Variants in MTRR observed in about 807,000 individuals in gnomAD.
MTRR encodes 5-methyltetrahydrofolate-homocysteine methyltransferase reductase, also known as methionine synthase reductase.
MTRR carries 63 observed loss-of-function variants against 79.2 expected under a neutral mutation model. The observed-to-expected ratio is 0.80, with a 90% CI of 0.65 to 0.98. The LOEUF (loss-of-function observed/expected upper bound fraction) is 0.98. Among genes scored for constraint, MTRR ranks in the 50% least tolerant of loss-of-function variants. The pLI is 0.00. For missense variants in MTRR, 895 were observed against 839.6 expected, an observed-to-expected ratio of 1.07 and a Z score of -0.82; for synonymous variants, 355 against 313.3, an observed-to-expected ratio of 1.13 and a Z score of -1.41.
chr5:7,866,011 T>C (rs752576942), upstream of MTRR: 28 of 1,558,944 alleles, frequency 1.8e-5, no homozygotes, highest in East Asian at 6.3e-4. Context: ...CCAGTCATAG[T>C]TACGTCTGAA....
chr5:7,862,808 C>T, intron 2 of MTRR: 1 of 1,600,964 alleles, frequency 6.2e-7, no homozygotes, highest in Non-Finnish European at 8.5e-7. Flanking sequence ...CAACAAAACT[C>T]CTTATACTAC....
chr5:7,863,889 T>C (rs1239478450), intron 2 of MTRR, among the ~76,000 whole-genome samples: 2 of 152,174 alleles, frequency 1.3e-5, no homozygotes, highest in Admixed American at 1.3e-4. Context: ...TCACTCTTGT[T>C]GCCCAGGCTG....
In MTRR at chr5:7,887,834, G is replaced by T. The variant is rs374345190; in HGVS notation, c.1146+1131G>T. On this transcript the variant is annotated intron_variant, in intron 8 of 14. Coordinates refer to ENST00000440940, the MANE Select transcript of MTRR (RefSeq NM_002454.3). ...TATATATATATATATATATATATGG[G>T]TTTTTTCAAAAATAGTATGCTCATT... Among the ~76,000 whole-genome samples, 253 of 113,338 alleles carry T rather than the reference G, an allele frequency of 2.2e-3. 2 individuals are homozygous for T. Among genetic ancestry groups the T allele is most frequent in the Middle Eastern group, 5.8e-3 (1 of 172 alleles). 74.4% of individuals were successfully genotyped at this position (113,338 alleles called of 152,430 possible).
At chr5:7,870,576 C>T (rs895955553) in intron 1 of MTRR, among the ~76,000 whole-genome samples, 194 bp from the exon 2 acceptor site, 1 of 152,138 alleles carries the variant, frequency 6.6e-6, no homozygotes, top group African/African-American at 2.4e-5. Flanking sequence ...GAGTTTCATT[C>T]GTACACTCTC....
At chr5:7,876,974 T>G (rs1734668893) in intron 4 of MTRR, among the ~76,000 whole-genome samples, 1 of 152,214 alleles carries the variant, frequency 6.6e-6, no homozygotes, top group African/African-American at 2.4e-5. Context: ...ATAAACTTGT[T>G]TTCACAAAGG....
At chr5:7,867,291 C>T (rs141325371), upstream of MTRR, 23 of 1,613,588 alleles carry the variant, frequency 1.4e-5, no homozygotes, top group Non-Finnish European at 1.8e-5. Context: ...TCAGTACATG[C>T]CTGCAAGATT....
chr5:7,890,307 T>G (rs1737332566), intron 9 of MTRR: 2 of 985,288 alleles, frequency 2.0e-6, no homozygotes, highest in South Asian at 9.4e-5. Context: ...ACCGTGTTGC[T>G]GAATGAGGCT....
intron 4 of MTRR, among the ~76,000 whole-genome samples, chr5:7,875,760 G>T (rs1468844185): frequency 6.6e-6 from 1 of 152,262 alleles, no homozygotes; most frequent in Admixed American, 6.5e-5. Context: ...AGGGAGCCTG[G>T]TGAGCCACAC....
At chr5:7,867,747 C>G, upstream of MTRR, 1 of 1,614,220 alleles carries the variant, frequency 6.2e-7, no homozygotes, top group Non-Finnish European at 8.5e-7. Flanking sequence ...AGCACTTCTT[C>G]TGATGAAGTC....
At chr5:7,876,526 C>A (rs1349664286) in intron 4 of MTRR, among the ~76,000 whole-genome samples, 1 of 152,194 alleles carries the variant, frequency 6.6e-6, no homozygotes, top group Non-Finnish European at 1.5e-5. Flanking sequence ...TTTCAGTAGA[C>A]TATAGTGCTT....
chr5:7,851,016 C>T, upstream of MTRR: 1 of 1,258,784 alleles, frequency 7.9e-7, no homozygotes. Context: ...CCTCGTCGTC[C>T]TCCATGCCGC....
At chr5:7,856,292 G>A (rs1166811215) in intron 1 of MTRR, among the ~76,000 whole-genome samples, 1 of 152,128 alleles carries the variant, frequency 6.6e-6, no homozygotes, top group Non-Finnish European at 1.5e-5. Flanking sequence ...CCATTTTATT[G>A]CTCTGATTTC....
upstream of MTRR, chr5:7,868,014 C>T (rs145797848): frequency 9.3e-6 from 15 of 1,613,878 alleles, no homozygotes; most frequent in Non-Finnish European, 1.3e-5. Flanking sequence ...TTTTTTAAAG[C>T]AGCCAGAGCT....
At position 7,900,280 on chromosome 5, in the gene MTRR, A is replaced by T; in HGVS notation, c.*222A>T. Reference sequence around the variant, plus strand: ...CTTCCTGTGCCTGTGACTCTCCCCAAATTGCCCTGTTGCCTTGAGCTCTTC... The same window carrying T: ...CTTCCTGTGCCTGTGACTCTCCCCATATTGCCCTGTTGCCTTGAGCTCTTC... On this transcript the variant is annotated 3_prime_UTR_variant, in exon 15 of 15. Transcript: ENST00000440940. The T allele has an allele frequency of 1.8e-6, 1 of 543,954 alleles. No individual in the cohort carries two copies. Among genetic ancestry groups the T allele is most frequent in the South Asian group, 2.1e-5 (1 of 48,166 alleles). 33.7% of individuals were successfully genotyped at this position (543,954 alleles called of 1,614,324 possible).
rs1739348908 is a variant in MTRR, at chr5:7,900,755, T to C, written c.*697T>C. The C allele has an allele frequency of 6.5e-6, 1 of 152,740 alleles. No individual in the cohort carries two copies. The highest frequency in any genetic ancestry group is 2.4e-5 in the African/African-American group (1 of 41,464). 9.5% of individuals were successfully genotyped at this position (152,740 alleles called of 1,614,324 possible). The stretch of plus-strand genomic sequence containing the variant: ...TTTCAGAATTTTGGGACATTTGCAT[T>C]CAATTTACAGGTACCAGTACGTACA... On this transcript the variant is annotated 3_prime_UTR_variant, in exon 15 of 15. Coordinates refer to ENST00000440940, the MANE Select transcript of MTRR (RefSeq NM_002454.3).
rs768451288 is a variant in MTRR at position 7,891,378 on chromosome 5, T to A, written c.1334T>A (p.Leu445His). Residue 445 changes from leucine (L) to histidine (H), a missense_variant, in exon 10 of 15, where the codon CTT (leucine) becomes CAT (histidine). Leu to His is a moderately conservative substitution (Grantham distance 99). Coordinates refer to ENST00000440940, the MANE Select transcript of MTRR (RefSeq NM_002454.3). The stretch of plus-strand genomic sequence containing the variant: ...TGTTTTTATTTTTTTCTAGAACATC[T>A]TCCTAAACTTCAACCCAGACCATAT... ...QPPLSLLLEH[L>H]PKLQPRPYSC... 18 of 1,606,674 alleles carry A rather than the reference T, an allele frequency of 1.1e-5. No homozygotes were observed. Among genetic ancestry groups the A allele is most frequent in the Non-Finnish European group, 1.5e-5 (18 of 1,174,602 alleles).
intron 12 of MTRR, 106 bp downstream of exon 12, chr5:7,895,958 AATT>A (rs1450172161): frequency 7.9e-6 from 11 of 1,395,030 alleles, no homozygotes; most frequent in South Asian, 1.3e-5. Context: ...TTATTTAAAA[AATT>A]ATTATTCAAT....
chr5:7,878,149 G>A lies in MTRR; in HGVS notation c.607G>A (p.Asp203Asn). Residue 203 changes from aspartate (D) to asparagine (N), a missense_variant, in exon 5 of 15, where the codon GAT (aspartate) becomes AAT (asparagine). Asp to Asn is a conservative substitution (Grantham distance 23). Coordinates refer to ENST00000440940, the MANE Select transcript of MTRR (RefSeq NM_002454.3). ...LLRFDDSGRKDSEVLKQNAVN... is the reference protein window; with the variant it reads ...LLRFDDSGRKNSEVLKQNAVN... ...GAGATTCGATGATTCAGGAAGAAAGGATTCTGAGGTTTTGAAGCAAAATGC... is the reference window on the plus strand; with the variant it reads ...GAGATTCGATGATTCAGGAAGAAAGAATTCTGAGGTTTTGAAGCAAAATGC... 6.2e-7 allele frequency: 1 copy of A among 1,614,116 alleles called. No individual in the cohort carries two copies. The highest frequency in any genetic ancestry group is 1.3e-5 in the African/African-American group (1 of 75,016).
intron 2 of MTRR, among the ~76,000 whole-genome samples, chr5:7,863,882 C>A (rs1190300991): frequency 6.6e-6 from 1 of 151,980 alleles, no homozygotes; most frequent in African/African-American, 2.4e-5. Context: ...CAGAGTTTCA[C>A]TCTTGTTGCC....
Sources: allele counts gnomAD v4.1 joint callset (sites outside exome capture counted in the v4.1 genomes callset), GRCh38; gene constraint gnomAD v4.1.1; transcripts MANE v1.5; gene names NCBI Gene and HGNC (gene_info 2026-07-23, HGNC 2026-07-21).